The following CFLAR variants were observed in gnomAD, a reference collection of about 807,000 sequenced individuals.
CFLAR encodes the protein CASP8 and FADD like apoptosis regulator.
A neutral mutation model predicts 51.1 loss-of-function variants in CFLAR; 14 were observed. The observed-to-expected ratio is 0.27, with a 90% confidence interval of 0.18 to 0.43. The LOEUF is 0.43. CFLAR is among the 20% of genes least tolerant of loss of function. CFLAR has a pLI of 1.00. For missense variants in CFLAR, 390 were observed against 566.5 expected (o/e 0.69, Z 3.16); for synonymous variants, 210 against 211.6 (o/e 0.99, Z 0.06).
At position 201,173,712 on chromosome 2, in the gene CFLAR, C is replaced by G. The variant is rs796779499; in HGVS notation, c.*9739C>G. The G allele has an allele frequency of 2.8e-5, 4 of 142,838 alleles. No homozygotes were observed. The highest frequency in any genetic ancestry group is 1.2e-4 in the African/African-American group (4 of 32,680). 8.8% of individuals were successfully genotyped at this position (142,838 alleles called of 1,614,324 possible). A position where few individuals can be genotyped will look rare whatever the true frequency, so the allele number is the denominator to read the frequency against. ...TCTGAGATGGAATCTCACTCTGTCG[C>G]CCAGGTTGGAGTGCAGTGGTGCAAT... On this transcript the variant is annotated 3_prime_UTR_variant, in exon 10 of 10. Transcript: ENST00000309955.
At chr2:201,149,110 C>A in intron 7 of CFLAR, 58 bp downstream of exon 7, 1 of 1,169,186 alleles carries the variant, frequency 8.6e-7, no homozygotes, top group Non-Finnish European at 1.3e-6. Flanking sequence ...ATAACCCTGA[C>A]TTCTTTAAAA....
At chr2:201,121,629 A>G (rs140245421) in intron 1 of CFLAR, among the ~76,000 whole-genome samples, 6 of 152,360 alleles carry the variant, frequency 3.9e-5, no homozygotes, top group African/African-American at 9.6e-5. Flanking sequence ...TAAGAACTTT[A>G]TATATCCCTA....
chr2:201,139,532 G>C (rs1937931394), intron 4 of CFLAR: 1 of 154,510 alleles, frequency 6.5e-6, no homozygotes, highest in African/African-American at 2.4e-5. Flanking sequence ...GAATGTCTCG[G>C]TGTAAAACCT....
At chr2:201,126,419 G>A (rs138469682) in intron 1 of CFLAR, among the ~76,000 whole-genome samples, 1 of 152,180 alleles carries the variant, frequency 6.6e-6, no homozygotes, top group African/African-American at 2.4e-5. Context: ...GATGTGCTGG[G>A]AGTCAGCTTG....
chr2:201,129,405 A>G (rs1050721640), intron 1 of CFLAR: 16 of 206,244 alleles, frequency 7.8e-5, no homozygotes, highest in Non-Finnish European at 1.3e-4. Flanking sequence ...TACTGAGGCC[A>G]TTAAACCCTT....
At chr2:201,144,623 C>G (rs1000192673) in intron 5 of CFLAR, among the ~76,000 whole-genome samples, 1 of 152,148 alleles carries the variant, frequency 6.6e-6, no homozygotes, top group Non-Finnish European at 1.5e-5. Context: ...TAATAAGTGG[C>G]AGAATTAGGA....
chr2:201,169,701 A>G lies in CFLAR; in HGVS notation c.*5728A>G, dbSNP rs1943895116. The G allele has an allele frequency of 6.6e-6, 1 of 152,158 alleles. No homozygotes were observed. The highest frequency in any genetic ancestry group is 1.9e-4 in the East Asian group (1 of 5,196). 9.4% of individuals were successfully genotyped at this position (152,158 alleles called of 1,614,324 possible). ...GAATGGGAGAACATTTTTGCAATCTATCCATCTGACAAAGGTCTAATATCC... is the reference window on the plus strand; with the variant it reads ...GAATGGGAGAACATTTTTGCAATCTGTCCATCTGACAAAGGTCTAATATCC... On this transcript the variant is annotated 3_prime_UTR_variant, in exon 10 of 10. Coordinates refer to ENST00000309955, the MANE Select transcript of CFLAR (RefSeq NM_003879.7).
Position 201,138,341 on chromosome 2 carries a change from T to C in CFLAR, c.524-2016T>C, listed in dbSNP as rs1397798902. On this transcript the variant is annotated intron_variant, in intron 4 of 9. Transcript: ENST00000309955. This position sits in a 1 kb window ranked among gnomAD's most constrained non-coding sequence, Gnocchi z 4.0. The stretch of plus-strand genomic sequence containing the variant: ...AGCTGCCCCGCCCAGCAGCTGCTCA[T>C]GGGAATCCTTGGAGGCCACAGGGTA... 7 of 768,676 alleles carry C rather than the reference T, an allele frequency of 9.1e-6. No homozygotes were observed. Among genetic ancestry groups the C allele is most frequent in the Non-Finnish European group, 1.7e-5 (7 of 415,946 alleles). 47.6% of individuals were successfully genotyped at this position (768,676 alleles called of 1,614,324 possible). A position where few individuals can be genotyped will look rare whatever the true frequency, so the allele number is the denominator to read the frequency against.
At chr2:201,161,062 C>T (rs1184293573) in intron 9 of CFLAR, 120 bp downstream of exon 9, 13 of 689,586 alleles carry the variant, frequency 1.9e-5, no homozygotes, top group Non-Finnish European at 3.2e-5. Context: ...GAGATTTTCC[C>T]TCCTGCATTG....
rs558101114 is a variant in CFLAR, at chr2:201,171,601, C to G, written c.*7628C>G. 1 of 151,630 alleles carries G rather than the reference C, an allele frequency of 6.6e-6. No individual in the cohort carries two copies. The highest frequency in any genetic ancestry group is 1.5e-5 in the Non-Finnish European group (1 of 68,006). 9.4% of individuals were successfully genotyped at this position (151,630 alleles called of 1,614,324 possible). On this transcript the variant is annotated 3_prime_UTR_variant, in exon 10 of 10. Coordinates refer to ENST00000309955, the MANE Select transcript of CFLAR (RefSeq NM_003879.7). ...AGGTGCAGCAAACCACCATGGGACACGTTTACCTATGTAACAAACCCGCAC... is the reference window on the plus strand; with the variant it reads ...AGGTGCAGCAAACCACCATGGGACAGGTTTACCTATGTAACAAACCCGCAC...
Position 201,136,417 on chromosome 2 carries a change from A to G in CFLAR, c.523+310A>G, listed in dbSNP as rs755076659. 2.5e-6 allele frequency: 4 copies of G among 1,598,296 alleles called. No homozygotes were observed. The African/African-American group carries it at 4.0e-5, about 16-fold the overall frequency. On this transcript the variant is annotated intron_variant, in intron 4 of 9. Transcript: ENST00000309955. ...AGCTATGGACATTCAGGGGTTTTGCATGTATGCTGAACCCTACTGCCTTGC... is the reference window on the plus strand; with the variant it reads ...AGCTATGGACATTCAGGGGTTTTGCGTGTATGCTGAACCCTACTGCCTTGC...
At position 201,168,950 on chromosome 2, in the gene CFLAR, C is replaced by G. The variant is rs557725491; in HGVS notation, c.*4977C>G. The G allele has an allele frequency of 7.2e-5, 11 of 152,128 alleles. No homozygotes were observed. The highest frequency in any genetic ancestry group is 1.9e-4 in the African/African-American group (8 of 41,486). 9.4% of individuals were successfully genotyped at this position (152,128 alleles called of 1,614,324 possible). On this transcript the variant is annotated 3_prime_UTR_variant, in exon 10 of 10. Transcript: ENST00000309955. The stretch of plus-strand genomic sequence containing the variant: ...TCAAGGAGAACTACAAACCACTGCT[C>G]AAGGAAATAAGAGAGGACACAAATG...
chr2:201,159,158 G>GC, intron 8 of CFLAR, among the ~76,000 whole-genome samples: 1 of 151,554 alleles, frequency 6.6e-6, no homozygotes, highest in African/African-American at 2.4e-5. Flanking sequence ...GATTACAGAT[G>GC]TGAGCCACTG....
intron 5 of CFLAR, among the ~76,000 whole-genome samples, chr2:201,144,535 G>A (rs760664289): frequency 2.0e-5 from 3 of 152,174 alleles, no homozygotes; most frequent in African/African-American, 7.2e-5. Context: ...AATCTGTAAG[G>A]TATCTATTAT....
intron 1 of CFLAR, among the ~76,000 whole-genome samples, chr2:201,120,023 CTTTT>C (rs34076189): frequency 5.3e-5 from 6 of 112,326 alleles, no homozygotes; most frequent in Non-Finnish European, 9.0e-5. Flanking sequence ...CTTTTCTTTT[CTTTT>C]TTTTTTTTTT....
At chr2:201,158,123 T>C (rs894915618) in intron 8 of CFLAR, among the ~76,000 whole-genome samples, 1 of 152,248 alleles carries the variant, frequency 6.6e-6, no homozygotes, top group Non-Finnish European at 1.5e-5. Context: ...TCTGCTGTTA[T>C]AGCTCAGTCT....
intron 5 of CFLAR, chr2:201,141,669 A>G: frequency 8.2e-7 from 1 of 1,221,296 alleles, no homozygotes; most frequent in Non-Finnish European, 1.0e-6. Context: ...TGAGTGATGA[A>G]ACAAAAGATT....
Position 201,145,389 on chromosome 2 carries a change from G to C in CFLAR, c.618G>C (p.Gly206=). The change falls in exon 6 of 10, where the codon GGG becomes GGC. Residue 206 remains glycine, a synonymous_variant. Coordinates refer to ENST00000309955, the MANE Select transcript of CFLAR (RefSeq NM_003879.7). ...CTTTGTATTTGAAGCTCCATAATGG[G>C]AGAAGTAAAGAACAAAGACTTAAGG... ...DPSNNFRLHN[G]RSKEQRLKEQ... is the part of the protein sequence containing the mutation. 1 of 1,605,264 alleles carries C rather than the reference G, an allele frequency of 6.2e-7. No homozygotes were observed. Among genetic ancestry groups the C allele is most frequent in the Non-Finnish European group, 8.5e-7 (1 of 1,172,610 alleles).
chr2:201,140,930 G>A (rs1016185652), intron 5 of CFLAR, among the ~76,000 whole-genome samples: 1 of 152,092 alleles, frequency 6.6e-6, no homozygotes, highest in Non-Finnish European at 1.5e-5. Context: ...ACTACAAGAG[G>A]TTTTAAAAGT....
Sources: gnomAD v4.1 joint callset for allele counts (sites outside exome capture counted in the v4.1 genomes callset) on GRCh38, gnomAD v4.1.1 for gene constraint, Gnocchi (gnomAD v3.1) non-coding constraint, MANE v1.5 for transcripts, NCBI Gene and HGNC (gene_info 2026-07-23, HGNC 2026-07-21) for gene names.